Variants in USP9X observed in about 807,000 individuals in gnomAD.
The protein encoded by USP9X is ubiquitin specific peptidase 9 X-linked, also known as ubiquitin carboxyl-terminal hydrolase 9X.
USP9X carries 7 observed loss-of-function variants against 190.3 expected under a neutral mutation model. The ratio of observed to expected loss-of-function variants is 0.04; its 90% CI spans 0.02 to 0.07. The LOEUF is 0.07. Ranked by LOEUF, USP9X falls within the 10% of genes least tolerant of loss-of-function variation. The pLI is 1.00. For synonymous variants in USP9X, 645 were observed against 659.5 expected, an observed-to-expected ratio of 0.98 and a Z score of 0.34; for missense variants, 1,010 against 1,916.9, an observed-to-expected ratio of 0.53 and a Z score of 8.83.
At chrX:41,120,528 C>T (rs1264330124) in intron 1 of USP9X, among the ~76,000 whole-genome samples, 2 of 111,350 alleles carry the variant, frequency 1.8e-5, no homozygotes, top group South Asian at 3.8e-4. Flanking sequence ...GACAGAGTCT[C>T]GCTCTGTTGC....
At chrX:41,130,664 TTAG>T (rs1233449009) in intron 3 of USP9X, among the ~76,000 whole-genome samples, 4 of 106,700 alleles carry the variant, frequency 3.7e-5, no homozygotes, top group Admixed American at 2.0e-4. Context: ...AATTTTTGTG[TTAG>T]TAGAGATGGG....
chrX:41,197,349 C>CCCCCCCCCGGG lies in USP9X; in HGVS notation c.4234-12_4234-11insCCCCCGGGCCC. 1 of 900,204 alleles carries CCCCCCCCCGGG rather than the reference C, an allele frequency of 1.1e-6. No individual in the cohort carries two copies. The highest frequency in any genetic ancestry group is 1.4e-6 in the Non-Finnish European group (1 of 699,200). The allele number at this position is 900,204 out of a possible 1,213,427, so 74.2% of individuals were successfully genotyped here. On this transcript the variant is annotated splice_polypyrimidine_tract_variant and intron_variant, in intron 28 of 44. Coordinates refer to ENST00000378308, the MANE Select transcript of USP9X (RefSeq NM_001039591.3). The stretch of plus-strand genomic sequence containing the variant: ...GATTTCTTCCCCCCCCCACCCCACC[C>CCCCCCCCCGGG]CCCGCCTTTGGCAGGATGATGTTAA...
chrX:41,089,903 GTTTTTTTTTTTTTTTT>G (rs139093155), intron 1 of USP9X, among the ~76,000 whole-genome samples: 3 of 30,326 alleles, frequency 9.9e-5, no homozygotes, highest in African/African-American at 4.2e-4. Flanking sequence ...ATCTATGAGG[GTTTTTTTTTTTTTTTT>G]TTTTTTTTTT....
chrX:41,171,546 C>T, intron 20 of USP9X: 1 of 277,491 alleles, frequency 3.6e-6, no homozygotes, highest in Non-Finnish European at 6.6e-6. Context: ...TGGTAGTGGG[C>T]ATGGCAGCCT....
intron 1 of USP9X, among the ~76,000 whole-genome samples, chrX:41,106,522 AT>A (rs35038623): frequency 0.13 from 7,358 of 58,307 alleles, 299 homozygotes; most frequent in Non-Finnish European, 0.17. Context: ...TTCTGAATTA[AT>A]TTTTTTTTTT....
chrX:41,199,572 T>C (rs185950884), intron 30 of USP9X, among the ~76,000 whole-genome samples: 52 of 110,393 alleles, frequency 4.7e-4, no homozygotes, highest in African/African-American at 1.6e-3. Context: ...CTGGCTAATT[T>C]TGTATTGCCA....
chrX:41,155,024 T>C (rs922678316), intron 14 of USP9X, among the ~76,000 whole-genome samples: 6 of 112,152 alleles, frequency 5.3e-5, no homozygotes, highest in Admixed American at 9.4e-5. Flanking sequence ...TTATGGTTTT[T>C]GCCTCTATAA....
chrX:41,131,305 A>T (rs778686388), intron 3 of USP9X, 152 bp from the exon 4 acceptor site: 1 of 390,975 alleles, frequency 2.6e-6, no homozygotes, highest in Admixed American at 5.5e-5. Context: ...CACAAAGCAG[A>T]TAATCTGCCA....
chrX:41,097,854 CCT>C (rs1334650447), intron 1 of USP9X, among the ~76,000 whole-genome samples: 6 of 111,409 alleles, frequency 5.4e-5, no homozygotes, highest in Non-Finnish European at 1.1e-4. Flanking sequence ...ACCTCTCTGA[CCT>C]CTTGAAAAGA....
intron 42 of USP9X, 56 bp downstream of exon 42, chrX:41,229,465 G>A: frequency 8.7e-7 from 1 of 1,144,867 alleles, no homozygotes; most frequent in African/African-American, 1.8e-5. Flanking sequence ...TAAGGATTCT[G>A]TTTTAAAAGA....
intron 1 of USP9X, among the ~76,000 whole-genome samples, chrX:41,092,540 A>G (rs184624969): frequency 9.0e-6 from 1 of 111,360 alleles, no homozygotes; most frequent in East Asian, 2.8e-4. Flanking sequence ...GGATCAGTAA[A>G]CTTTTTCTGT....
chrX:41,153,678 T>C (rs1211965310), intron 14 of USP9X, among the ~76,000 whole-genome samples: 2 of 112,272 alleles, frequency 1.8e-5, no homozygotes, highest in African/African-American at 6.5e-5. Flanking sequence ...TCTTTTGCCC[T>C]TTGACAGTTA....
intron 39 of USP9X, among the ~76,000 whole-genome samples, chrX:41,224,265 A>G (rs2063292238): frequency 1.8e-5 from 2 of 111,355 alleles, no homozygotes; most frequent in Non-Finnish European, 3.8e-5. Flanking sequence ...TGGTATATCT[A>G]TCTGATCATT....
At position 41,189,623 on chromosome X, in the gene USP9X, T is replaced by A. The variant is rs770961333; in HGVS notation, c.3977+148T>A. The A allele has an allele frequency of 9.3e-5, 45 of 483,097 alleles. No homozygotes were observed. In the East Asian group the frequency reaches 1.4e-3, roughly 15 times the overall value. The allele number at this position is 483,097 out of a possible 1,213,427, so 39.8% of individuals were successfully genotyped here. ...AAAATTTTATTATTTAAGAGTGTTT[T>A]GCTTAACCTAAATGTTTGGTTTTAG... On this transcript the variant is annotated intron_variant, in intron 26 of 44. Transcript: ENST00000378308.
intron 35 of USP9X, 53 bp downstream of exon 35, chrX:41,216,705 G>A: frequency 9.1e-7 from 1 of 1,099,651 alleles, no homozygotes; most frequent in East Asian, 3.0e-5. Flanking sequence ...TTTATAGTAG[G>A]CGTCAACATG....
intron 32 of USP9X, among the ~76,000 whole-genome samples, chrX:41,208,988 G>A (rs987671993): frequency 1.1e-4 from 12 of 111,512 alleles, no homozygotes; most frequent in Non-Finnish European, 2.1e-4. Flanking sequence ...GATTACAGGC[G>A]TGAGCCACCG....
intron 19 of USP9X, 30 bp downstream of exon 19, chrX:41,170,265 A>G (rs781381894): frequency 9.3e-6 from 11 of 1,179,486 alleles, no homozygotes; most frequent in African/African-American, 7.1e-5. Context: ...AGATTTTTCA[A>G]TAAAATCAAA....
At chrX:41,212,725 A>C in intron 33 of USP9X, among the ~76,000 whole-genome samples, 1 of 111,414 alleles carries the variant, frequency 9.0e-6, no homozygotes, top group Non-Finnish European at 1.9e-5. Flanking sequence ...AACTGTATTA[A>C]ATATAGTCAT....
At chrX:41,140,883 T>A (rs1206203724) in intron 7 of USP9X, 83 bp from the exon 8 acceptor site, 8 of 1,090,833 alleles carry the variant, frequency 7.3e-6, no homozygotes, top group Non-Finnish European at 7.2e-6. Context: ...TGGGATTTTT[T>A]AAAAGTAATA....
Sources: gnomAD v4.1 joint callset for allele counts (sites outside exome capture counted in the v4.1 genomes callset) on GRCh38, gnomAD v4.1.1 for gene constraint, MANE v1.5 for transcripts, NCBI Gene and HGNC (gene_info 2026-07-23, HGNC 2026-07-21) for gene names.